RAD51B: variants seen among roughly 807,000 people sequenced by gnomAD.
RAD51B encodes the protein DNA repair protein RAD51 homolog 2.
A neutral mutation model predicts 42.2 loss-of-function variants in RAD51B; 38 were observed. The ratio of observed to expected loss-of-function variants is 0.90; its 90% confidence interval spans 0.70 to 1.18. The LOEUF is 1.18. Ranked by LOEUF, RAD51B falls within the 50% of genes most tolerant of loss-of-function variation. RAD51B has a pLI of 0.00. For synonymous variants in RAD51B, 154 were observed against 145.2 expected, an observed-to-expected ratio of 1.06 and a Z score of -0.43; for missense variants, 373 against 400.7, an observed-to-expected ratio of 0.93 and a Z score of 0.59.
intron 10 of RAD51B, among the ~76,000 whole-genome samples, chr14:68,584,561 C>T (rs1310658256): frequency 6.6e-6 from 1 of 152,220 alleles, no homozygotes; most frequent in Non-Finnish European, 1.5e-5. Context: ...GCCAGCTCAC[C>T]TCTGCCACTG....
At position 68,539,510 on chromosome 14, in the gene RAD51B, G is replaced by A. The variant is rs545633928; in HGVS notation, c.1037-54975G>A. Among the ~76,000 whole-genome samples the A allele has an allele frequency of 2.0e-5, 3 of 152,294 alleles. No individual in the cohort carries two copies. In the South Asian group the frequency reaches 6.2e-4, roughly 32 times the overall value. On this transcript the variant is annotated intron_variant, in intron 10 of 10. Transcript: ENST00000487270. ...TCCAGAGGGGTCCCCAGCCCCACAG[G>A]CTGCCAAAATAGGCTCTTTACACTC...
chr14:68,433,412 A>G (rs1182647624), intron 9 of RAD51B, among the ~76,000 whole-genome samples: 1 of 152,128 alleles, frequency 6.6e-6, no homozygotes, highest in African/African-American at 2.4e-5. Flanking sequence ...GTCTTTTCAC[A>G]TAGTCCCATA....
chr14:67,917,887 G>A (rs1282373438), intron 7 of RAD51B, among the ~76,000 whole-genome samples: 1 of 152,094 alleles, frequency 6.6e-6, no homozygotes, highest in Admixed American at 6.5e-5. Flanking sequence ...ATCTACCAAT[G>A]GGTTGGTTGT....
chr14:67,868,794 C>T (rs1224220277), intron 5 of RAD51B, among the ~76,000 whole-genome samples: 1 of 152,248 alleles, frequency 6.6e-6, no homozygotes, highest in African/African-American at 2.4e-5. Context: ...CCCCGAGCAG[C>T]CTAACTGGGA....
downstream of RAD51B, among the ~76,000 whole-genome samples, chr14:68,613,554 T>C (rs12878143): frequency 0.11 from 17,301 of 151,514 alleles, 1,310 homozygotes; most frequent in Non-Finnish European, 0.17. Flanking sequence ...CCCAGGTTCA[T>C]GCCATTCTCC....
intron 8 of RAD51B, among the ~76,000 whole-genome samples, chr14:68,319,233 A>G (rs1457567610): frequency 2.6e-5 from 4 of 152,250 alleles, no homozygotes; most frequent in African/African-American, 9.6e-5. Flanking sequence ...TTCCCAAAAA[A>G]TTCCAAGATG....
chr14:68,198,649 G>A (rs1332483876), intron 7 of RAD51B, among the ~76,000 whole-genome samples: 2 of 152,140 alleles, frequency 1.3e-5, no homozygotes, highest in African/African-American at 4.8e-5. Context: ...AGAGGATTGT[G>A]ATGGTATTTT....
chr14:68,145,319 C>G (rs1273962470), intron 7 of RAD51B, among the ~76,000 whole-genome samples: 1 of 152,188 alleles, frequency 6.6e-6, no homozygotes, highest in Non-Finnish European at 1.5e-5. Flanking sequence ...AGGGCACAGG[C>G]TTTGGAGCTG....
At position 68,611,076 on chromosome 14, in the gene RAD51B, TA is replaced by T; in HGVS notation, c.1108del (p.Thr370ProfsTer3). ...CAGCAGCAGACTCACATCCCAGCCC[TA>T]CCTTCCTGATACCTGATGTGGTGCT... On this transcript the variant is annotated frameshift_variant, in exon 11 of 11. Transcript: ENST00000487861. LOFTEE classifies it low-confidence loss of function (END_TRUNC). 1.4e-6 allele frequency: 1 copy of T among 703,210 alleles called. No homozygotes were observed. The highest frequency in any genetic ancestry group is 1.5e-5 in the South Asian group (1 of 67,604). The allele number at this position is 703,210 out of a possible 1,614,324, so 43.6% of individuals were successfully genotyped here. A position where few individuals can be genotyped will look rare whatever the true frequency, so the allele number is the denominator to read the frequency against.
intron 11 of RAD51B, among the ~76,000 whole-genome samples, chr14:68,665,928 TC>T (rs1329761540): frequency 6.6e-6 from 1 of 152,218 alleles, no homozygotes; most frequent in Non-Finnish European, 1.5e-5. Context: ...CATTAGATTC[TC>T]TTGGGCATAG....
chr14:68,100,271 A>T (rs1235916846), intron 7 of RAD51B, among the ~76,000 whole-genome samples: 1 of 152,172 alleles, frequency 6.6e-6, no homozygotes, highest in Non-Finnish European at 1.5e-5. Flanking sequence ...GTCATATTGG[A>T]TACTCATGTG....
chr14:68,670,168 C>T lies in RAD51B; in HGVS notation c.*11+19312C>T, dbSNP rs560398152. ...TTGTAACTTCCACAGACCAGGCCGA[C>T]CCTTCCTTGTGACGGGAAGTTTGGG... On this transcript the variant is annotated intron_variant, in intron 11 of 11. Transcript: ENST00000488612. Among the ~76,000 whole-genome samples the T allele has an allele frequency of 2.8e-4, 43 of 152,308 alleles. 1 individual carries two copies. In the South Asian group the frequency reaches 8.3e-3, roughly 29 times the overall value.
At chr14:68,214,772 G>A (rs1249089683) in intron 7 of RAD51B, among the ~76,000 whole-genome samples, 3 of 152,190 alleles carry the variant, frequency 2.0e-5, no homozygotes, top group Non-Finnish European at 4.4e-5. Context: ...ATACCCACAT[G>A]CAACAAATAC....
intron 11 of RAD51B, among the ~76,000 whole-genome samples, chr14:68,679,662 G>A (rs1395096310): frequency 6.6e-6 from 1 of 152,208 alleles, no homozygotes; most frequent in South Asian, 2.1e-4. Context: ...AACCTTGTTG[G>A]TATCCAGTTC....
At chr14:68,003,503 TC>T (rs1355421673) in intron 7 of RAD51B, among the ~76,000 whole-genome samples, 1 of 152,160 alleles carries the variant, frequency 6.6e-6, no homozygotes, top group Admixed American at 6.5e-5. Flanking sequence ...TATTCGAATA[TC>T]CTTTATTTCT....
At chr14:68,354,492 C>T (rs972056177) in intron 8 of RAD51B, among the ~76,000 whole-genome samples, 22 of 152,028 alleles carry the variant, frequency 1.4e-4, no homozygotes, top group African/African-American at 4.3e-4. Context: ...GGATTACAGG[C>T]GTGAGCCACC....
chr14:68,352,919 T>A (rs1594710579), intron 8 of RAD51B, among the ~76,000 whole-genome samples: 1 of 152,128 alleles, frequency 6.6e-6, no homozygotes, highest in Admixed American at 6.5e-5. Flanking sequence ...GGGGGAAGGG[T>A]TTTGATGGGA....
intron 7 of RAD51B, among the ~76,000 whole-genome samples, chr14:68,092,553 T>C (rs543813165): frequency 1.2e-3 from 183 of 152,358 alleles, no homozygotes; most frequent in African/African-American, 3.9e-3. Context: ...TGATTTTGTA[T>C]CCTGAGACTT....
Position 68,549,550 on chromosome 14 carries a change from G to C in RAD51B, c.1037-44935G>C, listed in dbSNP as rs1337371752. Among the ~76,000 whole-genome samples the C allele has an allele frequency of 3.3e-5, 5 of 149,370 alleles. No homozygotes were observed. The East Asian group carries it at 9.8e-4, about 29-fold the overall frequency. ...CCTGCCTCAGCCTCCCGTGTAGCTG[G>C]GACTACAGGCGCGCGCCACCATGCC... On this transcript the variant is annotated intron_variant, in intron 10 of 10. Coordinates refer to the RAD51B transcript ENST00000487270.
Sources: gnomAD v4.1 joint callset for allele counts (sites outside exome capture counted in the v4.1 genomes callset) on GRCh38, gnomAD v4.1.1 for gene constraint, MANE v1.5 for transcripts, NCBI Gene and HGNC (gene_info 2026-07-23, HGNC 2026-07-21) for gene names.